Variants in MUC5AC observed in about 807,000 individuals in gnomAD.
The protein encoded by MUC5AC is mucin 5AC, oligomeric mucus/gel-forming.
Under a neutral mutation model 169.7 loss-of-function variants are expected in MUC5AC, and 158 were observed. The ratio of observed to expected loss-of-function variants is 0.93; its 90% CI spans 0.82 to 1.06. The LOEUF (loss-of-function observed/expected upper bound fraction) is 1.06, where lower values mean the gene tolerates loss of function less well. Ranked by LOEUF, MUC5AC falls within the 50% of genes least tolerant of loss-of-function variation. MUC5AC has a pLI of 0.00. For synonymous variants in MUC5AC, 1,975 were observed against 1,237.0 expected, an observed-to-expected ratio of 1.60 and a Z score of -12.52; for missense variants, 4,359 against 3,089.9, an observed-to-expected ratio of 1.41 and a Z score of -9.74.
At position 1,175,050 on chromosome 11, in the gene MUC5AC, A is replaced by G; in HGVS notation, c.2261A>G (p.Lys754Arg). ...PKGTFLDDTG[K>R]CVQASNCPCY... ...GGCACCTTCCTGGACGACACGGGCA[A>G]GTGTGTGCAGGCCAGCAACTGTCCC... The change falls in exon 18 of 49, where the codon AAG becomes AGG. Residue 754 changes from lysine to arginine, a missense_variant. By Grantham distance (26) the Lys-to-Arg change is conservative (BLOSUM62 2). Transcript: ENST00000621226. The G allele has an allele frequency of 2.5e-6, 1 of 401,074 alleles. No homozygotes were observed. Among genetic ancestry groups the G allele is most frequent in the Non-Finnish European group, 4.4e-6 (1 of 227,626 alleles). 24.8% of individuals were successfully genotyped at this position (401,074 alleles called of 1,614,324 possible).
At chr11:1,170,958 C>CCCACTCACCCAT (rs1761141385) in intron 15 of MUC5AC, among the ~76,000 whole-genome samples, 1 of 4,230 alleles carries the variant, frequency 2.4e-4, no homozygotes, top group African/African-American at 9.7e-4. Flanking sequence ...CACCTACTCA[C>CCCACTCACCCAT]TCACCCACTC....
Position 1,164,104 on chromosome 11 carries a change from A to G in MUC5AC, c.790-2A>G. 6.2e-7 allele frequency: 1 copy of G among 1,611,992 alleles called. No homozygotes were observed. The highest frequency in any genetic ancestry group is 1.3e-5 in the African/African-American group (1 of 74,996). The stretch of plus-strand genomic sequence containing the variant: ...TCAGACGGGCTGTGGCCTTTGTCCT[A>G]GGGCATCTGTGAGGAGCTCCTGCAC... On this transcript the variant is annotated splice_acceptor_variant, in intron 7 of 48. Coordinates refer to ENST00000621226, the MANE Select transcript of MUC5AC (RefSeq NM_001304359.2). LOFTEE classifies it high-confidence loss of function.
In MUC5AC at chr11:1,182,700, T is replaced by C. The variant is rs1163396022; in HGVS notation, c.4555T>C (p.Ser1519Pro). 3 of 398,448 alleles carry C rather than the reference T, an allele frequency of 7.5e-6. No individual in the cohort carries two copies. The highest frequency in any genetic ancestry group is 1.3e-5 in the Non-Finnish European group (3 of 226,106). The allele number at this position is 398,448 out of a possible 1,614,324, so 24.7% of individuals were successfully genotyped here. Residue 1519 changes from serine to proline, a missense_variant, in exon 31 of 49, where the codon TCT (serine) becomes CCT (proline). Physicochemically the swap from Ser to Pro is moderately conservative, Grantham distance 74 (BLOSUM62 -1). Transcript: ENST00000621226. ...CAGCACACCTGGCACCGTGTCTCTC[T>C]CTACAGCCAGGACGACACCTGCCCC... ...PSSTPGTVSL[S>P]TARTTPAPGT...
At chr11:1,179,867 T>C (rs1385143510) in intron 26 of MUC5AC, among the ~76,000 whole-genome samples, 155 bp from the exon 27 acceptor site, 1 of 152,082 alleles carries the variant, frequency 6.6e-6, no homozygotes, top group Non-Finnish European at 1.5e-5. Flanking sequence ...ACCCTGATAA[T>C]TGGGGGGTCC....
In MUC5AC at chr11:1,162,586, C is replaced by T. The variant is rs775477158; in HGVS notation, c.528C>T (p.Tyr176=). The change falls in exon 5 of 49, where the codon TAC becomes TAT. Residue 176 remains tyrosine (Y), a synonymous_variant. Coordinates refer to ENST00000621226, the MANE Select transcript of MUC5AC (RefSeq NM_001304359.2). ...TCCTCATTCAGCAGAGCAGCAGCTA[C>T]ACCAAGGTGGAGGCCAGGCTGGGCC... The part of the protein sequence containing the change: ...SGVLIQQSSS[Y]TKVEARLGLV... 3.7e-6 allele frequency: 6 copies of T among 1,612,786 alleles called. No individual in the cohort carries two copies. The highest frequency in any genetic ancestry group is 1.1e-5 in the South Asian group (1 of 91,084).
At position 1,197,470 on chromosome 11, in the gene MUC5AC, G is replaced by A. The variant is rs1459986838; in HGVS notation, c.15864G>A (p.Val5288=). The A allele has an allele frequency of 4.2e-6, 3 of 710,758 alleles. No homozygotes were observed. The highest frequency in any genetic ancestry group is 7.7e-6 in the Non-Finnish European group (3 of 391,090). 44.0% of individuals were successfully genotyped at this position (710,758 alleles called of 1,614,324 possible). A position where few individuals can be genotyped will look rare whatever the true frequency, so the allele number is the denominator to read the frequency against. ...GACCTCAGTCCCCTTCCTTGCAGGT[G>A]GGCCACACCGTCGGCATGGACTGCC... is the stretch of plus-strand genomic sequence containing the variant. The part of the protein sequence containing the change: ...CLGPHGEPVK[V]GHTVGMDCQE... The change falls in exon 41 of 49, where the codon GTG becomes GTA. Residue 5288 remains valine, a splice_region_variant and synonymous_variant. Transcript: ENST00000621226.
chr11:1,194,708 G>T (rs757435648), intron 35 of MUC5AC, 38 bp downstream of exon 35: 1 of 714,258 alleles, frequency 1.4e-6, no homozygotes, highest in South Asian at 1.5e-5. Flanking sequence ...TCTGGCATTC[G>T]CGGGGGCGGG....
intron 2 of MUC5AC, 81 bp from the exon 3 acceptor site, chr11:1,161,446 C>T (rs553832561): frequency 4.9e-6 from 6 of 1,221,622 alleles, no homozygotes; most frequent in African/African-American, 4.6e-5. Context: ...GACCTGCTGA[C>T]TCTGGAACGT....
chr11:1,161,877 C>A (rs761131553), intron 3 of MUC5AC, 30 bp from the exon 4 acceptor site: 1 of 1,601,436 alleles, frequency 6.2e-7, no homozygotes, highest in Admixed American at 1.7e-5. Context: ...GAGGGCGACG[C>A]CCCCAAACAC....
rs1564911615 is a variant in MUC5AC at position 1,177,002 on chromosome 11, A to G, written c.2729A>G (p.His910Arg). 3 of 398,850 alleles carry G rather than the reference A, an allele frequency of 7.5e-6. No individual in the cohort carries two copies. Among genetic ancestry groups the G allele is most frequent in the Non-Finnish European group, 1.3e-5 (3 of 226,316 alleles). The allele number at this position is 398,850 out of a possible 1,614,324, so 24.7% of individuals were successfully genotyped here. Residue 910 changes from histidine to arginine, a missense_variant, in exon 22 of 49, where the codon CAC (histidine) becomes CGC (arginine). By Grantham distance (29) the His-to-Arg change is conservative. Coordinates refer to ENST00000621226, the MANE Select transcript of MUC5AC (RefSeq NM_001304359.2). ...LATCAVYGDG[H>R]YLTFDGQSYS... is the part of the protein sequence containing the mutation. Reference sequence around the variant, plus strand: ...ACCTGCGCCGTGTACGGGGACGGCCACTACCTCACCTTCGACGGACAGAGC... The same window carrying G: ...ACCTGCGCCGTGTACGGGGACGGCCGCTACCTCACCTTCGACGGACAGAGC...
chr11:1,166,510 A>G (rs1274795990), intron 11 of MUC5AC, among the ~76,000 whole-genome samples: 6 of 128,972 alleles, frequency 4.7e-5, no homozygotes, highest in South Asian at 2.7e-4. Context: ...CCCTGCACCC[A>G]ACACACAGTC....
In MUC5AC at chr11:1,177,530, T is replaced by C; in HGVS notation, c.2984T>C (p.Ile995Thr). The C allele has an allele frequency of 2.5e-6, 1 of 398,666 alleles. No homozygotes were observed. 24.7% of individuals were successfully genotyped at this position (398,666 alleles called of 1,614,324 possible). The change falls in exon 24 of 49, where the codon ATC becomes ACC. Residue 995 changes from isoleucine (I) to threonine (T), a missense_variant. Coordinates refer to ENST00000621226, the MANE Select transcript of MUC5AC (RefSeq NM_001304359.2). Reference protein sequence around the residue: ...TDESQEVPYTIRQMGIYLVVD... With the variant: ...TDESQEVPYTTRQMGIYLVVD... The stretch of plus-strand genomic sequence containing the variant: ...GAGAGCCAGGAGGTGCCATACACCA[T>C]CCGGCAGATGGGCATCTACCTGGTG...
Position 1,177,235 on chromosome 11 carries a change from A to G in MUC5AC, c.2798A>G (p.His933Arg). 2 of 410,386 alleles carry G rather than the reference A, an allele frequency of 4.9e-6. No homozygotes were observed. The highest frequency in any genetic ancestry group is 4.3e-6 in the Non-Finnish European group (1 of 233,198). The allele number at this position is 410,386 out of a possible 1,614,324, so 25.4% of individuals were successfully genotyped here. A position where few individuals can be genotyped will look rare whatever the true frequency, so the allele number is the denominator to read the frequency against. ...GDCEYTLVQN[H>R]CGGKDSTQDS... ...TGATGGCCTCTGCTTCCCCAGAACC[A>G]CTGTGGCGGGAAAGACAGCACCCAG... The change falls in exon 23 of 49, where the codon CAC becomes CGC. Residue 933 changes from histidine (H) to arginine (R), a missense_variant. His to Arg is a conservative substitution (Grantham distance 29, BLOSUM62 0). Coordinates refer to ENST00000621226, the MANE Select transcript of MUC5AC (RefSeq NM_001304359.2).
chr11:1,162,669 C>A (rs534579592), intron 5 of MUC5AC, 23 bp downstream of exon 5: 7 of 1,600,110 alleles, frequency 4.4e-6, no homozygotes, highest in Non-Finnish European at 6.0e-6. Flanking sequence ...GGGGGTGTCC[C>A]GGTGTGCAAC....
In MUC5AC at chr11:1,188,601, C is replaced by T. The variant is rs1273981706; in HGVS notation, c.10456C>T (p.Pro3486Ser). 1.3e-6 allele frequency: 1 copy of T among 764,812 alleles called. No individual in the cohort carries two copies. Among genetic ancestry groups the T allele is most frequent in the Non-Finnish European group, 2.4e-6 (1 of 417,762 alleles). The allele number at this position is 764,812 out of a possible 1,614,324, so 47.4% of individuals were successfully genotyped here. A position where few individuals can be genotyped will look rare whatever the true frequency, so the allele number is the denominator to read the frequency against. The change falls in exon 31 of 49, where the codon CCC becomes TCC. Residue 3486 changes from proline (P) to serine (S), a missense_variant. Pro to Ser is a moderately conservative substitution (Grantham distance 74, BLOSUM62 -1). Transcript: ENST00000621226. ...SSTTSGSGTT[P>S]SPVTTTSTAS... ...CACAACCTCCGGTTCTGGAACTACTCCCAGCCCTGTTACCACCACCAGCAC... is the reference window on the plus strand; with the variant it reads ...CACAACCTCCGGTTCTGGAACTACTTCCAGCCCTGTTACCACCACCAGCAC...
rs1861096709 is a variant in MUC5AC, at chr11:1,191,540, A to G, written c.13395A>G (p.Thr4465=). Residue 4465 remains threonine, a synonymous_variant, in exon 31 of 49, where the codon ACA becomes ACG. Coordinates refer to ENST00000621226, the MANE Select transcript of MUC5AC (RefSeq NM_001304359.2). Reference sequence around the variant, plus strand: ...CAATCTCTCTCCCTACAACCAGCACAACCTCTGCTCCTATAACCAGCATGA... The same window carrying G: ...CAATCTCTCTCCCTACAACCAGCACGACCTCTGCTCCTATAACCAGCATGA... The part of the protein sequence containing the change: ...TSTISLPTTS[T]TSAPITSMTS... The G allele has an allele frequency of 1.5e-6, 1 of 645,924 alleles. No individual in the cohort carries two copies. The allele number at this position is 645,924 out of a possible 1,614,324, so 40.0% of individuals were successfully genotyped here.
Position 1,160,577 on chromosome 11 carries a change from T to C in MUC5AC, c.74-35T>C, listed in dbSNP as rs1464499210. 2.5e-6 allele frequency: 4 copies of C among 1,579,380 alleles called. No individual in the cohort carries two copies. In the Admixed American group the frequency reaches 6.9e-5, roughly 27 times the overall value. On this transcript the variant is annotated intron_variant, in intron 1 of 48. Coordinates refer to ENST00000621226, the MANE Select transcript of MUC5AC (RefSeq NM_001304359.2). Reference sequence around the variant, plus strand: ...GCAGCCTGAGCCCCCTCAGCCACCCTGCATCTGGGCTCAGCCCCCCTCCTC... The same window carrying C: ...GCAGCCTGAGCCCCCTCAGCCACCCCGCATCTGGGCTCAGCCCCCCTCCTC...
chr11:1,175,836 C>CACACTCACACCCA (rs1860667473), intron 19 of MUC5AC, among the ~76,000 whole-genome samples: 1 of 2,916 alleles, frequency 3.4e-4, no homozygotes, highest in East Asian at 9.8e-3. Context: ...CTCATGCACA[C>CACACTCACACCCA]GCACTCACAC....
Position 1,188,828 on chromosome 11 carries a change from TGAG to T in MUC5AC, c.10687_10689del (p.Glu3563del), listed in dbSNP as rs1284285395. The T allele has an allele frequency of 5.3e-6, 4 of 760,656 alleles. No homozygotes were observed. The highest frequency in any genetic ancestry group is 1.4e-5 in the South Asian group (1 of 73,878). 47.1% of individuals were successfully genotyped at this position (760,656 alleles called of 1,614,324 possible). A position where few individuals can be genotyped will look rare whatever the true frequency, so the allele number is the denominator to read the frequency against. On this transcript the variant is annotated inframe_deletion, in exon 31 of 49. Coordinates refer to ENST00000621226, the MANE Select transcript of MUC5AC (RefSeq NM_001304359.2). Reference sequence around the variant, plus strand: ...GTGGGGAAAAAATCTGCCGCCGACCTGAGGAGATCACCAGGCTCCAGTGCCGAG... The same window carrying T: ...GTGGGGAAAAAATCTGCCGCCGACCTGAGATCACCAGGCTCCAGTGCCGAG...
Sources: allele counts gnomAD v4.1 joint callset (sites outside exome capture counted in the v4.1 genomes callset), GRCh38; gene constraint gnomAD v4.1.1; transcripts MANE v1.5; gene names NCBI Gene and HGNC (gene_info 2026-07-23, HGNC 2026-07-21).